PHF12: variants seen among roughly 807,000 people sequenced by gnomAD.
The protein encoded by PHF12 is PHD finger protein 12.
Under a neutral mutation model 99.8 loss-of-function variants are expected in PHF12, and 6 were observed. The observed-to-expected ratio is 0.06, with a 90% CI of 0.03 to 0.12. PHF12 has a LOEUF of 0.12. Among genes scored for constraint, PHF12 ranks in the 10% least tolerant of loss-of-function variants. The pLI, the probability that PHF12 is intolerant of heterozygous loss-of-function variation, is 1.00. For synonymous variants in PHF12, 480 were observed against 514.9 expected, an observed-to-expected ratio of 0.93 and a Z score of 0.92; for missense variants, 954 against 1,300.1, an observed-to-expected ratio of 0.73 and a Z score of 4.09.
chr17:28,946,726 T>C (rs2040728447), intron 2 of PHF12, among the ~76,000 whole-genome samples: 1 of 152,220 alleles, frequency 6.6e-6, no homozygotes, highest in Non-Finnish European at 1.5e-5. Context: ...TTTGTAGAGA[T>C]GGAGTCTTGC....
At position 28,907,560 on chromosome 17, in the gene PHF12, G is replaced by C. The variant is rs183014573; in HGVS notation, c.2541+30C>G. On this transcript the variant is annotated intron_variant, in intron 13 of 14. Coordinates refer to ENST00000332830, the MANE Select transcript of PHF12 (RefSeq NM_001033561.2). Reference sequence around the variant, plus strand: ...CTGGGAGAGGCCTCAGGTTGGGAAAGCTCCCTCCCACCGCATCTCCGGCCC... The same window carrying C: ...CTGGGAGAGGCCTCAGGTTGGGAAACCTCCCTCCCACCGCATCTCCGGCCC... 365 of 1,610,442 alleles carry C rather than the reference G, an allele frequency of 2.3e-4. 3 individuals are homozygous for C. The African/African-American group carries it at 4.3e-3, about 19-fold the overall frequency.
At chr17:28,921,889 A>G (rs1344400468) in intron 4 of PHF12, 81 bp from the exon 5 acceptor site, 3 of 1,575,528 alleles carry the variant, frequency 1.9e-6, no homozygotes, top group Non-Finnish European at 1.7e-6. Context: ...ATTAAGTGAC[A>G]AAAACAGATC....
At chr17:28,917,766 G>A (rs901540715) in intron 6 of PHF12, among the ~76,000 whole-genome samples, 2 of 152,188 alleles carry the variant, frequency 1.3e-5, no homozygotes, top group African/African-American at 4.8e-5. Flanking sequence ...GCTCAGAGAA[G>A]CCTCTGTCAG....
rs754915190 is a variant in PHF12, at chr17:28,919,278, G to A, written c.837-3C>T. 9.3e-6 allele frequency: 15 copies of A among 1,609,494 alleles called. No individual in the cohort carries two copies. Among genetic ancestry groups the A allele is most frequent in the South Asian group, 7.7e-5 (7 of 90,432 alleles). On this transcript the variant is annotated splice_region_variant and splice_polypyrimidine_tract_variant and intron_variant, in intron 5 of 14. Transcript: ENST00000332830. ...TGAGAGGAGCCACACGGCAACTCCT[G>A]CAAAAAAGAGATGTTGGCCATTTCT...
rs1457502209 is a variant in PHF12 at position 28,912,834 on chromosome 17, T to C, written c.1737A>G (p.Gln579=). 6.2e-7 allele frequency: 1 copy of C among 1,608,330 alleles called. No homozygotes were observed. The highest frequency in any genetic ancestry group is 1.1e-5 in the South Asian group (1 of 90,676). Residue 579 remains glutamine (Q), a synonymous_variant, in exon 9 of 15, where the codon CAA becomes CAG. Transcript: ENST00000332830. ...GTGGCGTGAGGGGCCGGGGCCAGCC[T>C]TGCCGGTGTGAGAGGCCTGGTAGTG... ...NTPLPGLSHR[Q]GWPRPLTPPA...
chr17:28,910,653 TGCCTGTCTGTGGGGGAGG>T (rs563093412), intron 10 of PHF12: 39 of 487,302 alleles, frequency 8.0e-5, no homozygotes, highest in African/African-American at 6.1e-4. Context: ...ATAAACCACT[TGCCTGTCTGTGGGGGAGG>T]GCCTGGATGT....
At chr17:28,934,323 G>C (rs1473678674) in intron 2 of PHF12, among the ~76,000 whole-genome samples, 1 of 152,144 alleles carries the variant, frequency 6.6e-6, no homozygotes. Flanking sequence ...TTGGACATTT[G>C]GTACCTGAAG....
In PHF12 at chr17:28,951,343, G is replaced by A. The variant is rs1355342064; in HGVS notation, c.-383C>T. ...GGGGGTATCGGAGGGGGGGTGAGAG[G>A]TTACGTGAGGTTGTGGTACGTGAGG... On this transcript the variant is annotated 5_prime_UTR_variant, in exon 1 of 15. Transcript: ENST00000332830. 2.3e-5 allele frequency: 24 copies of A among 1,032,028 alleles called. No homozygotes were observed. The highest frequency in any genetic ancestry group is 1.0e-4 in the South Asian group (3 of 29,884). 63.9% of individuals were successfully genotyped at this position (1,032,028 alleles called of 1,614,324 possible). A position where few individuals can be genotyped will look rare whatever the true frequency, so the allele number is the denominator to read the frequency against.
intron 5 of PHF12, 42 bp from the exon 6 acceptor site, chr17:28,919,317 GA>G (rs1355337952): frequency 1.2e-6 from 2 of 1,601,794 alleles, no homozygotes; most frequent in Non-Finnish European, 1.7e-6. Flanking sequence ...GCAAGAAAAG[GA>G]AAATTCAAAC....
chr17:28,906,778 A>G lies in PHF12; in HGVS notation c.2680+78T>C. The G allele has an allele frequency of 6.6e-7, 1 of 1,514,812 alleles. No homozygotes were observed. The highest frequency in any genetic ancestry group is 2.3e-5 in the East Asian group (1 of 43,998). The allele number at this position is 1,514,812 out of a possible 1,614,324, so 93.8% of individuals were successfully genotyped here. A position where few individuals can be genotyped will look rare whatever the true frequency, so the allele number is the denominator to read the frequency against. ...GCCAATAGGACTGGGAAGGCAAGAGACAGACCATGGGCAGCAAGTCAGAAC... is the reference window on the plus strand; with the variant it reads ...GCCAATAGGACTGGGAAGGCAAGAGGCAGACCATGGGCAGCAAGTCAGAAC... On this transcript the variant is annotated intron_variant, in intron 14 of 14. Transcript: ENST00000332830. This position sits in a 1 kb window ranked among gnomAD's most constrained non-coding sequence, Gnocchi z 4.2.
chr17:28,923,725 GA>G (rs1308133736), intron 4 of PHF12, among the ~76,000 whole-genome samples, 183 bp downstream of exon 4: 1 of 145,074 alleles, frequency 6.9e-6, no homozygotes, highest in Admixed American at 7.0e-5. Context: ...CAGAAACTGA[GA>G]AAATGGAAAA....
chr17:28,926,946 C>G, intron 3 of PHF12, 45 bp downstream of exon 3: 1 of 1,610,382 alleles, frequency 6.2e-7, no homozygotes, highest in Non-Finnish European at 8.5e-7. Flanking sequence ...TATCAGTGCT[C>G]TGGATCAGGC....
intron 3 of PHF12, 26 bp downstream of exon 3, chr17:28,926,965 C>T: frequency 1.2e-6 from 2 of 1,612,008 alleles, no homozygotes; most frequent in Non-Finnish European, 1.7e-6. Flanking sequence ...GCTTTCTGGA[C>T]AGTCTTCAGA....
At chr17:28,923,843 C>G in intron 4 of PHF12, 66 bp downstream of exon 4, 1 of 1,519,582 alleles carries the variant, frequency 6.6e-7, no homozygotes, top group Non-Finnish European at 8.8e-7. Context: ...ACAGGCAGCA[C>G]TGCTCTTGTG....
At position 28,940,157 on chromosome 17, in the gene PHF12, A is replaced by C. The variant is rs114342832; in HGVS notation, c.248+9908T>G. Among the ~76,000 whole-genome samples the C allele has an allele frequency of 2.9e-3, 446 of 152,372 alleles. 3 individuals carry two copies. The highest frequency in any genetic ancestry group is 0.01 in the African/African-American group (430 of 41,598). ...AGAAAGCAAATGTAATTAGGGGAAA[A>C]GAAATTTTCACCTTGTGTCTGTGTT... On this transcript the variant is annotated intron_variant, in intron 2 of 14. Coordinates refer to ENST00000332830, the MANE Select transcript of PHF12 (RefSeq NM_001033561.2).
Position 28,908,872 on chromosome 17 carries a change from T to C in PHF12, c.2369A>G (p.Lys790Arg). ...GAACACAGCTCGGGCCTGTACCTCC[T>C]TTCTTTGCACTACAAGACAAACATA... The part of the protein sequence containing the change: ...SGGHHIEVQR[K>R]EVQARAVFYP... Residue 790 changes from lysine (K) to arginine (R), a missense_variant, in exon 12 of 15, where the codon AAG becomes AGG. This residue lies in a region of PHF12 where 143 missense variants were observed against 191.8 expected (regional missense o/e 0.75). Coordinates refer to ENST00000332830, the MANE Select transcript of PHF12 (RefSeq NM_001033561.2). 6.2e-7 allele frequency: 1 copy of C among 1,613,764 alleles called. No individual in the cohort carries two copies. Among genetic ancestry groups the C allele is most frequent in the Non-Finnish European group, 8.5e-7 (1 of 1,179,820 alleles).
intron 2 of PHF12, among the ~76,000 whole-genome samples, chr17:28,931,956 A>G (rs1282234688): frequency 6.6e-6 from 1 of 152,170 alleles, no homozygotes; most frequent in Non-Finnish European, 1.5e-5. Context: ...TCTTGGGAGA[A>G]GGCAGTAATA....
intron 5 of PHF12, 42 bp downstream of exon 5, chr17:28,921,646 G>C (rs1458413330): frequency 6.2e-7 from 1 of 1,603,466 alleles, no homozygotes; most frequent in Non-Finnish European, 8.5e-7. Flanking sequence ...AGTATCATCT[G>C]CTAAATAATG....
chr17:28,926,803 C>A, intron 3 of PHF12, 188 bp downstream of exon 3: 2 of 1,531,054 alleles, frequency 1.3e-6, no homozygotes, highest in Admixed American at 2.0e-5. Context: ...ATTTCAGCAG[C>A]CCATGTTTGG....
Sources: gnomAD v4.1 joint callset for allele counts (sites outside exome capture counted in the v4.1 genomes callset) on GRCh38, gnomAD v4.1.1 for gene constraint, gnomAD v4.1.1 regional missense constraint, Gnocchi (gnomAD v3.1) non-coding constraint, MANE v1.5 for transcripts, NCBI Gene and HGNC (gene_info 2026-07-23, HGNC 2026-07-21) for gene names.